The following FAM124A variants were observed in gnomAD, a reference collection of about 807,000 sequenced individuals.
FAM124A encodes protein FAM124A.
In FAM124A, 23 loss-of-function variants were observed where a neutral mutation model predicts 24.5. The observed-to-expected ratio is 0.94, with a 90% CI of 0.68 to 1.33. FAM124A has a LOEUF of 1.33. FAM124A is among the 40% of genes most tolerant of loss of function. FAM124A has a pLI of 0.00. For synonymous variants in FAM124A, 287 were observed against 314.7 expected (o/e 0.91, Z 0.93); for missense variants, 623 against 722.8 (o/e 0.86, Z 1.58).
chr13:51,233,741 A>G (rs1354435753), intron 2 of FAM124A, among the ~76,000 whole-genome samples: 2 of 152,174 alleles, frequency 1.3e-5, no homozygotes, highest in Non-Finnish European at 2.9e-5. Flanking sequence ...CAATTTTAAA[A>G]CCTAAAGTCT....
Position 51,252,052 on chromosome 13 carries a change from C to T in FAM124A, c.685C>T (p.Gln229Ter). 1 of 1,614,128 alleles carries T rather than the reference C, an allele frequency of 6.2e-7. No individual in the cohort carries two copies. Among genetic ancestry groups the T allele is most frequent in the Non-Finnish European group, 8.5e-7 (1 of 1,180,024 alleles). The change falls in exon 3 of 4, where the codon CAG (glutamine) becomes TAG (stop). Residue 229 changes from glutamine to a stop codon, truncating the protein, a stop_gained. Transcript: ENST00000322475. LOFTEE classifies it high-confidence loss of function. ...CTCCCTGAAAAGACTGCCCTGTGAC[C>T]AGTGCCCGGTGCCCACCGACTCCTC... ...QFSLKRLPCD[Q>*]CPVPTDSSVL...
chr13:51,261,316 C>T (rs1954734633), intron 3 of FAM124A, among the ~76,000 whole-genome samples: 1 of 152,158 alleles, frequency 6.6e-6, no homozygotes, highest in African/African-American at 2.4e-5. Context: ...TACTAATGTG[C>T]CTGCCATGGG....
intron 3 of FAM124A, among the ~76,000 whole-genome samples, chr13:51,270,072 C>T (rs781234849): frequency 6.6e-6 from 1 of 152,162 alleles, no homozygotes; most frequent in Non-Finnish European, 1.5e-5. Context: ...TCTTCCAGAT[C>T]CTGCGGACAT....
intron 3 of FAM124A, among the ~76,000 whole-genome samples, chr13:51,254,378 A>G (rs1451481382): frequency 1.3e-5 from 2 of 151,936 alleles, no homozygotes; most frequent in Non-Finnish European, 2.9e-5. Context: ...TAATTCCTCC[A>G]GAGAAGAAAA....
rs745415065 is a variant in FAM124A, at chr13:51,281,205, C to T, written c.1590C>T (p.Pro530=). The T allele has an allele frequency of 7.5e-6, 12 of 1,607,256 alleles. 1 individual carries two copies. Among genetic ancestry groups the T allele is most frequent in the Middle Eastern group, 3.3e-4 (2 of 6,060 alleles). ...AGACTGATGGAGACATGCCACCACC[C>T]CCAGGGTCGGCTGGCCCCGGGGATA... ...VKQTDGDMPP[P]PGSAGPGDND... is the part of the protein sequence containing the mutation. Residue 530 remains proline, a synonymous_variant, in exon 4 of 4, where the codon CCC becomes CCT. Coordinates refer to ENST00000322475, the MANE Select transcript of FAM124A (RefSeq NM_001242312.2).
chr13:51,240,474 C>T (rs1424456914), intron 2 of FAM124A, among the ~76,000 whole-genome samples: 10 of 152,174 alleles, frequency 6.6e-5, no homozygotes, highest in Non-Finnish European at 2.9e-5. Flanking sequence ...TTTCCTTTGT[C>T]AATTATGGAG....
At position 51,251,910 on chromosome 13, in the gene FAM124A, C is replaced by T. The variant is rs1954628208; in HGVS notation, c.543C>T (p.Asp181=). ...GCTTCACCGTCTACTGTCGCTACGA[C>T]AACTATGCTGACAGCCTCAGGTTCT... ...IVRFTVYCRY[D]NYADSLRFYQ... Residue 181 remains aspartate (D), a synonymous_variant, in exon 3 of 4, where the codon GAC becomes GAT. Transcript: ENST00000322475. This position sits in a 1 kb window ranked among gnomAD's most constrained non-coding sequence, Gnocchi z 5.3. The T allele has an allele frequency of 6.2e-7, 1 of 1,614,178 alleles. No individual in the cohort carries two copies. The highest frequency in any genetic ancestry group is 8.5e-7 in the Non-Finnish European group (1 of 1,180,058).
intron 1 of FAM124A, among the ~76,000 whole-genome samples, chr13:51,230,224 C>T (rs1954360343): frequency 6.6e-6 from 1 of 152,096 alleles, no homozygotes; most frequent in South Asian, 2.1e-4. Context: ...TTGTTTTCTT[C>T]CATTTTGTTC....
At chr13:51,269,184 C>A (rs1367601134) in intron 3 of FAM124A, among the ~76,000 whole-genome samples, 2 of 152,192 alleles carry the variant, frequency 1.3e-5, no homozygotes, top group Admixed American at 1.3e-4. Flanking sequence ...AGAAAAGCAA[C>A]ACCAAACTGT....
chr13:51,247,604 C>T (rs1296162387), intron 2 of FAM124A, among the ~76,000 whole-genome samples: 5 of 152,146 alleles, frequency 3.3e-5, no homozygotes, highest in East Asian at 3.9e-4. Flanking sequence ...TCCTTTACTT[C>T]GCATGGTGTT....
chr13:51,244,245 G>T lies in FAM124A; in HGVS notation c.101-7223G>T, dbSNP rs1954532541. 2.0e-5 allele frequency among the ~76,000 whole-genome samples: 3 copies of T among 152,182 alleles called. No individual in the cohort carries two copies. The South Asian group carries it at 6.2e-4, about 32-fold the overall frequency. ...GCCTTGGAAACCACGTTGAGCATGT[G>T]TGTGTTCAGTGAAGTGTCTGTCTGT... On this transcript the variant is annotated intron_variant, in intron 2 of 3. Transcript: ENST00000322475.
At chr13:51,277,936 A>G (rs1954899344) in intron 3 of FAM124A, among the ~76,000 whole-genome samples, 1 of 152,192 alleles carries the variant, frequency 6.6e-6, no homozygotes, top group African/African-American at 2.4e-5. Context: ...AGGTGCAGGG[A>G]AAACTTTTGG....
rs1954937533 is a variant in FAM124A, at chr13:51,281,297, A to G, written c.*41A>G. The G allele has an allele frequency of 2.6e-6, 4 of 1,513,022 alleles. No homozygotes were observed. The South Asian group carries it at 5.2e-5, about 20-fold the overall frequency. 93.7% of individuals were successfully genotyped at this position (1,513,022 alleles called of 1,614,324 possible). ...GTTCTCGAAACACACAAACTCAGAG[A>G]CACAGACTCAGGCCCCACTGCCCCT... is the stretch of plus-strand genomic sequence containing the variant. On this transcript the variant is annotated 3_prime_UTR_variant, in exon 4 of 4. Coordinates refer to ENST00000322475, the MANE Select transcript of FAM124A (RefSeq NM_001242312.2).
chr13:51,235,410 G>A (rs1202457851), intron 2 of FAM124A, among the ~76,000 whole-genome samples: 4 of 152,124 alleles, frequency 2.6e-5, no homozygotes, highest in East Asian at 3.8e-4. Context: ...ACTCTGCCAC[G>A]TAATGCTAAC....
intron 1 of FAM124A, among the ~76,000 whole-genome samples, chr13:51,230,061 A>G (rs1002594174): frequency 4.0e-5 from 6 of 151,102 alleles, no homozygotes; most frequent in African/African-American, 1.5e-4. Flanking sequence ...TTTCCTAGTC[A>G]ATAAAATATT....
At chr13:51,268,913 C>G (rs1954814275) in intron 3 of FAM124A, among the ~76,000 whole-genome samples, 1 of 152,212 alleles carries the variant, frequency 6.6e-6, no homozygotes, top group South Asian at 2.1e-4. Flanking sequence ...GCTACAGAGG[C>G]AGCAAAGCCT....
intron 2 of FAM124A, among the ~76,000 whole-genome samples, chr13:51,248,899 G>A (rs542718121): frequency 6.6e-6 from 1 of 152,214 alleles, no homozygotes; most frequent in African/African-American, 2.4e-5. Flanking sequence ...CTCCTGTCTG[G>A]ACTCTTCACT....
intron 3 of FAM124A, among the ~76,000 whole-genome samples, chr13:51,273,349 C>T (rs190019395): frequency 1.1e-4 from 16 of 152,204 alleles, no homozygotes; most frequent in African/African-American, 2.9e-4. Context: ...GCTATCTAGC[C>T]GAAAATGTCA....
At chr13:51,249,049 T>C (rs11617293) in intron 2 of FAM124A, among the ~76,000 whole-genome samples, 16,590 of 152,258 alleles carry the variant, frequency 0.11, 1,062 homozygotes, top group East Asian at 0.27. Context: ...AATCCATTTT[T>C]CCAGCTGCAT....
Sources: gnomAD v4.1 joint callset for allele counts (sites outside exome capture counted in the v4.1 genomes callset) on GRCh38, gnomAD v4.1.1 for gene constraint, Gnocchi (gnomAD v3.1) non-coding constraint, MANE v1.5 for transcripts, NCBI Gene and HGNC (gene_info 2026-07-23, HGNC 2026-07-21) for gene names.